EPSTI1: variants seen among roughly 807,000 people sequenced by gnomAD.
EPSTI1 encodes epithelial stromal interaction 1.
Under a neutral mutation model 49.9 loss-of-function variants are expected in EPSTI1, and 66 were observed. The ratio of observed to expected loss-of-function variants is 1.32; its 90% CI spans 1.08 to 1.62. EPSTI1 has a LOEUF of 1.62. Ranked by LOEUF, EPSTI1 falls within the 40% of genes most tolerant of loss-of-function variation. EPSTI1 has a pLI of 0.00. For missense variants in EPSTI1, 394 were observed against 365.5 expected, an observed-to-expected ratio of 1.08 and a Z score of -0.64; for synonymous variants, 137 against 130.7, an observed-to-expected ratio of 1.05 and a Z score of -0.33.
At position 42,900,360 on chromosome 13, in the gene EPSTI1, C is replaced by T. The variant is rs1364303883; in HGVS notation, c.765G>A (p.Arg255=). ...HQKSELLELK[R]QQQEQERAKI... ...TGGCTCTTTCTTGCTCTTGCTGCTG[C>T]CGTTTCAGTTCCAGTAATTCACTCT... Residue 255 remains arginine, a synonymous_variant, in exon 9 of 11, where the codon CGG becomes CGA. Coordinates refer to ENST00000313624, the MANE Select transcript of EPSTI1 (RefSeq NM_033255.5). 3 of 1,613,614 alleles carry T rather than the reference C, an allele frequency of 1.9e-6. No homozygotes were observed. The highest frequency in any genetic ancestry group is 2.2e-5 in the East Asian group (1 of 44,832).
At chr13:42,952,559 C>G (rs929125166) in intron 6 of EPSTI1, among the ~76,000 whole-genome samples, 2 of 152,268 alleles carry the variant, frequency 1.3e-5, no homozygotes, top group African/African-American at 2.4e-5. Context: ...GCAAGACAGA[C>G]AGTTTCTCCT....
chr13:42,960,739 C>A (rs187071013), intron 5 of EPSTI1, among the ~76,000 whole-genome samples: 1 of 152,298 alleles, frequency 6.6e-6, no homozygotes, highest in East Asian at 1.9e-4. Context: ...TCTTTTCCAG[C>A]TTCTAGAGGC....
intron 7 of EPSTI1, among the ~76,000 whole-genome samples, chr13:42,923,006 C>T (rs980594401): frequency 6.6e-6 from 1 of 152,184 alleles, no homozygotes; most frequent in African/African-American, 2.4e-5. Context: ...AGCTTTGCTT[C>T]CCCTCACCCC....
intron 1 of EPSTI1, among the ~76,000 whole-genome samples, chr13:42,986,665 A>T (rs992907162): frequency 6.9e-6 from 1 of 144,632 alleles, no homozygotes; most frequent in African/African-American, 2.6e-5. Flanking sequence ...GAATTGCTTG[A>T]ATCTGGGAGG....
chr13:42,894,500 G>C (rs1055841792), intron 10 of EPSTI1, among the ~76,000 whole-genome samples: 1 of 152,146 alleles, frequency 6.6e-6, no homozygotes, highest in African/African-American at 2.4e-5. Context: ...CAGTTGCAAG[G>C]TTTTCATCAC....
chr13:42,905,034 A>G (rs535693891), intron 8 of EPSTI1, among the ~76,000 whole-genome samples: 1 of 152,332 alleles, frequency 6.6e-6, no homozygotes, highest in South Asian at 2.1e-4. Flanking sequence ...GGAATTTATT[A>G]TCAGTGTGAG....
chr13:42,958,887 T>C (rs1315687960), intron 5 of EPSTI1, among the ~76,000 whole-genome samples: 1 of 152,180 alleles, frequency 6.6e-6, no homozygotes, highest in African/African-American at 2.4e-5. Flanking sequence ...AAGTCACATA[T>C]GTTTTTCTCT....
intron 1 of EPSTI1, among the ~76,000 whole-genome samples, chr13:42,972,590 T>A (rs1221989500): frequency 6.6e-6 from 1 of 152,232 alleles, no homozygotes; most frequent in African/African-American, 2.4e-5. Context: ...AGCTAACTTT[T>A]CAACTCAATG....
At chr13:42,983,778 A>G (rs892888375) in intron 1 of EPSTI1, among the ~76,000 whole-genome samples, 3 of 152,122 alleles carry the variant, frequency 2.0e-5, no homozygotes, top group African/African-American at 7.2e-5. Context: ...TTAAGGTAGC[A>G]AATGGCTTAT....
chr13:42,914,404 C>G (rs1424518177), intron 8 of EPSTI1, among the ~76,000 whole-genome samples: 1 of 151,138 alleles, frequency 6.6e-6, no homozygotes, highest in African/African-American at 2.4e-5. Context: ...TACTCTGAGA[C>G]AGATCAACCA....
chr13:42,979,598 AAAAAG>A (rs200949493), intron 1 of EPSTI1, among the ~76,000 whole-genome samples: 1,823 of 127,368 alleles, frequency 0.014, 69 homozygotes, highest in Middle Eastern at 0.038. Flanking sequence ...AAAAAAAAAA[AAAAAG>A]AAAAGAAAAG....
chr13:42,903,051 C>G (rs180741627), intron 8 of EPSTI1, among the ~76,000 whole-genome samples: 3 of 152,264 alleles, frequency 2.0e-5, no homozygotes, highest in South Asian at 2.1e-4. Context: ...TTTTCACTTT[C>G]ATTAATCCTA....
In EPSTI1 at chr13:42,992,198, G is replaced by C. The variant is rs891220485; in HGVS notation, c.-33C>G. The C allele has an allele frequency of 4.0e-6, 6 of 1,506,032 alleles. No individual in the cohort carries two copies. The highest frequency in any genetic ancestry group is 2.8e-5 in the African/African-American group (2 of 71,684). The allele number at this position is 1,506,032 out of a possible 1,614,324, so 93.3% of individuals were successfully genotyped here. On this transcript the variant is annotated 5_prime_UTR_variant, in exon 1 of 11. Coordinates refer to ENST00000313624, the MANE Select transcript of EPSTI1 (RefSeq NM_033255.5). ...AGCCCGCGGGTCCCGGGCCGCCGTC[G>C]CTGCGGGAGGGATGCGGCTGGGACG...
intron 6 of EPSTI1, among the ~76,000 whole-genome samples, chr13:42,936,465 T>G (rs183029650): frequency 1.6e-3 from 250 of 152,342 alleles, no homozygotes; most frequent in African/African-American, 5.7e-3. Context: ...TCATTTGAAC[T>G]TTCAACACTA....
At position 42,966,355 on chromosome 13, in the gene EPSTI1, C is replaced by T. The variant is rs1185253894; in HGVS notation, c.332-2216G>A. Among the ~76,000 whole-genome samples the T allele has an allele frequency of 7.8e-5, 2 of 25,704 alleles. 1 individual carries two copies. Among genetic ancestry groups the T allele is most frequent in the Non-Finnish European group, 1.5e-4 (2 of 13,638 alleles). The allele number at this position is 25,704 out of a possible 152,430, so 16.9% of individuals were successfully genotyped here. On this transcript the variant is annotated intron_variant, in intron 3 of 10. Coordinates refer to ENST00000313624, the MANE Select transcript of EPSTI1 (RefSeq NM_033255.5). ...GAAGTGAGGAGCGCCTCTTCCCAGCCGCCATCACATTTAGGAAGTGAGGAG... is the reference window on the plus strand; with the variant it reads ...GAAGTGAGGAGCGCCTCTTCCCAGCTGCCATCACATTTAGGAAGTGAGGAG...
At chr13:42,920,858 T>C (rs1439221353) in intron 7 of EPSTI1, among the ~76,000 whole-genome samples, 1 of 152,126 alleles carries the variant, frequency 6.6e-6, no homozygotes, top group Non-Finnish European at 1.5e-5. Context: ...AAGTGATATA[T>C]ATATTTTTAA....
At chr13:42,931,585 T>C (rs544031829) in intron 6 of EPSTI1, among the ~76,000 whole-genome samples, 138 of 152,358 alleles carry the variant, frequency 9.1e-4, no homozygotes, top group African/African-American at 3.2e-3. Flanking sequence ...AAGAAAGATA[T>C]AAACTTCTTG....
chr13:42,934,127 C>A, intron 6 of EPSTI1: 1 of 185,456 alleles, frequency 5.4e-6, no homozygotes, highest in Non-Finnish European at 1.2e-5. Context: ...ACTGGGCTAC[C>A]GTCAAAAGCT....
At chr13:42,986,885 T>C (rs1357277481) in intron 1 of EPSTI1, among the ~76,000 whole-genome samples, 2 of 152,032 alleles carry the variant, frequency 1.3e-5, no homozygotes, top group Non-Finnish European at 2.9e-5. Flanking sequence ...ATAAAAGTTC[T>C]TGAACTATAA....
Sources: gnomAD v4.1 joint callset for allele counts (sites outside exome capture counted in the v4.1 genomes callset) on GRCh38, gnomAD v4.1.1 for gene constraint, MANE v1.5 for transcripts, NCBI Gene and HGNC (gene_info 2026-07-23, HGNC 2026-07-21) for gene names.